The following CCSER1 variants were observed in gnomAD, a reference collection of about 807,000 sequenced individuals.
CCSER1 encodes the protein serine-rich coiled-coil domain-containing protein 1.
CCSER1 carries 41 observed loss-of-function variants against 82.0 expected under a neutral mutation model. The observed-to-expected ratio is 0.50, with a 90% CI of 0.39 to 0.65. The LOEUF is 0.65. CCSER1 is among the 30% of genes least tolerant of loss of function. The pLI is 0.00. For synonymous variants in CCSER1, 414 were observed against 383.9 expected, an observed-to-expected ratio of 1.08 and a Z score of -0.92; for missense variants, 1,119 against 1,064.2, an observed-to-expected ratio of 1.05 and a Z score of -0.72.
At chr4:90,226,522 A>C (rs989302510) in intron 1 of CCSER1, among the ~76,000 whole-genome samples, 15 of 152,232 alleles carry the variant, frequency 9.9e-5, no homozygotes, top group African/African-American at 3.4e-4. Flanking sequence ...AAGAAAATTC[A>C]TATCAACTAT....
At chr4:91,272,601 A>T (rs951280817) in intron 10 of CCSER1, among the ~76,000 whole-genome samples, 2 of 152,082 alleles carry the variant, frequency 1.3e-5, no homozygotes, top group African/African-American at 4.8e-5. Flanking sequence ...CTTTAGTTTA[A>T]TTAAGTCCCG....
At chr4:90,709,354 TG>T (rs1421713815) in intron 6 of CCSER1, among the ~76,000 whole-genome samples, 1 of 152,080 alleles carries the variant, frequency 6.6e-6, no homozygotes, top group African/African-American at 2.4e-5. Context: ...TGTGCCATGG[TG>T]GTTTGTTGCA....
At chr4:91,123,366 T>C (rs1023896856) in intron 10 of CCSER1, among the ~76,000 whole-genome samples, 1 of 151,738 alleles carries the variant, frequency 6.6e-6, no homozygotes, top group Non-Finnish European at 1.5e-5. Context: ...CTACTTTTTT[T>C]CCATTCTAAG....
At chr4:90,523,418 C>T (rs1042998985) in intron 5 of CCSER1, among the ~76,000 whole-genome samples, 1 of 152,060 alleles carries the variant, frequency 6.6e-6, no homozygotes, top group Non-Finnish European at 1.5e-5. Context: ...CTGGTACCAG[C>T]CTTTATTCCA....
chr4:90,351,439 A>T (rs984197939), intron 3 of CCSER1, among the ~76,000 whole-genome samples: 1 of 152,230 alleles, frequency 6.6e-6, no homozygotes, highest in Non-Finnish European at 1.5e-5. Flanking sequence ...TCTATGGAGA[A>T]ATCTCAAGTT....
At chr4:90,213,982 G>T (rs953699470) in intron 1 of CCSER1, among the ~76,000 whole-genome samples, 1 of 152,070 alleles carries the variant, frequency 6.6e-6, no homozygotes, top group Non-Finnish European at 1.5e-5. Context: ...GGAGGAGAGG[G>T]ATTAAGGAAT....
intron 7 of CCSER1, among the ~76,000 whole-genome samples, chr4:90,754,921 A>G (rs778660314): frequency 1.3e-5 from 2 of 152,172 alleles, no homozygotes; most frequent in South Asian, 4.1e-4. Context: ...TCCTATTAAC[A>G]TTCTGCTCCC....
chr4:90,360,653 C>T (rs569399235), intron 3 of CCSER1, among the ~76,000 whole-genome samples: 10 of 149,380 alleles, frequency 6.7e-5, no homozygotes, highest in African/African-American at 1.5e-4. Context: ...GAAGCTTCGT[C>T]GTTCTTTTAT....
chr4:90,860,084 C>G (rs1017596066), intron 8 of CCSER1, among the ~76,000 whole-genome samples: 2 of 151,620 alleles, frequency 1.3e-5, no homozygotes, highest in African/African-American at 4.8e-5. Flanking sequence ...TACAATGAAA[C>G]TGTTTGAAAA....
chr4:90,941,031 A>T (rs1731520780), intron 9 of CCSER1, among the ~76,000 whole-genome samples: 1 of 152,104 alleles, frequency 6.6e-6, no homozygotes, highest in Non-Finnish European at 1.5e-5. Context: ...TGAATTTTCA[A>T]GTACTCTTTA....
rs1249244174 is a variant in CCSER1, at chr4:91,598,855, C to G, written c.2501C>G (p.Ala834Gly). 1 of 1,551,628 alleles carries G rather than the reference C, an allele frequency of 6.4e-7. No homozygotes were observed. The highest frequency in any genetic ancestry group is 8.7e-7 in the Non-Finnish European group (1 of 1,146,924). ...TVGQSSLKPT[A>G]KTEGLSTFLE... ...GGGCAGAGCTCTCTGAAGCCAACAG[C>G]TAAGACAGAAGGGCTCTCCACGTTC... The change falls in exon 11 of 11, where the codon GCT becomes GGT. Residue 834 changes from alanine (A) to glycine (G), a missense_variant. By Grantham distance (60) the Ala-to-Gly change is moderately conservative. Transcript: ENST00000509176.
intron 10 of CCSER1, among the ~76,000 whole-genome samples, chr4:91,377,759 T>A (rs1224256604): frequency 1.3e-5 from 2 of 152,138 alleles, no homozygotes; most frequent in African/African-American, 4.8e-5. Flanking sequence ...TTTAATTAGA[T>A]CCCATCTGCC....
intron 9 of CCSER1, among the ~76,000 whole-genome samples, chr4:90,970,969 A>G (rs1444487107): frequency 6.6e-6 from 1 of 151,948 alleles, no homozygotes; most frequent in Non-Finnish European, 1.5e-5. Flanking sequence ...TAAGAGAAAA[A>G]GGCCTCAAAT....
At chr4:90,271,973 C>CAGA (rs1198889802) in intron 1 of CCSER1, among the ~76,000 whole-genome samples, 16 of 147,028 alleles carry the variant, frequency 1.1e-4, no homozygotes, top group Non-Finnish European at 1.0e-4. Context: ...CGGAAGCAGG[C>CAGA]ACCTTTTTTA....
At chr4:90,690,571 G>T (rs2149226709) in intron 6 of CCSER1, among the ~76,000 whole-genome samples, 1 of 152,080 alleles carries the variant, frequency 6.6e-6, no homozygotes, top group Admixed American at 6.6e-5. Flanking sequence ...AGTTTTATAA[G>T]TTCCTTTTGG....
rs1724182901 is a variant in CCSER1, at chr4:90,898,950, T to C, written c.2095-24420T>C. Among the ~76,000 whole-genome samples, 5 of 152,014 alleles carry C rather than the reference T, an allele frequency of 3.3e-5. No individual in the cohort carries two copies. The South Asian group carries it at 1.0e-3, about 31-fold the overall frequency. On this transcript the variant is annotated intron_variant, in intron 8 of 10. Transcript: ENST00000509176. ...TAGGCATTTTTTGGTTCCATGTTATTTTTAGCATTGATTTTTCTAATTCTG... is the reference window on the plus strand; with the variant it reads ...TAGGCATTTTTTGGTTCCATGTTATCTTTAGCATTGATTTTTCTAATTCTG...
At chr4:90,174,624 C>T (rs1167610309) in intron 1 of CCSER1, among the ~76,000 whole-genome samples, 5 of 151,810 alleles carry the variant, frequency 3.3e-5, no homozygotes, top group African/African-American at 4.8e-5. Flanking sequence ...TACAGAGTAC[C>T]GAGGAAGGAA....
chr4:90,344,002 G>A (rs1741888923), intron 3 of CCSER1, among the ~76,000 whole-genome samples: 1 of 151,842 alleles, frequency 6.6e-6, no homozygotes, highest in African/African-American at 2.4e-5. Context: ...ACTATTTTTT[G>A]TACCCATTAA....
intron 1 of CCSER1, among the ~76,000 whole-genome samples, chr4:90,135,668 A>G (rs1723557626): frequency 6.6e-6 from 1 of 152,190 alleles, no homozygotes; most frequent in Non-Finnish European, 1.5e-5. Context: ...CAGTTGTAGT[A>G]CCAGTTTAGG....
Sources: allele counts gnomAD v4.1 joint callset (sites outside exome capture counted in the v4.1 genomes callset), GRCh38; gene constraint gnomAD v4.1.1; transcripts MANE v1.5; gene names NCBI Gene and HGNC (gene_info 2026-07-23, HGNC 2026-07-21).